The following GRAP variants were observed in gnomAD, a reference collection of about 807,000 sequenced individuals.
GRAP encodes GRB2 related adaptor protein, also known as GRB2-related adapter protein.
GRAP carries 2 observed loss-of-function variants against 9.1 expected under a neutral mutation model. The observed-to-expected ratio is 0.22, with a 90% CI of 0.09 to 0.69. The LOEUF is 0.69. Among genes scored for constraint, GRAP ranks in the 30% least tolerant of loss-of-function variants. GRAP has a pLI of 0.81. For missense variants in GRAP, 113 were observed against 179.4 expected, an observed-to-expected ratio of 0.63 and a Z score of 2.12; for synonymous variants, 68 against 73.6, an observed-to-expected ratio of 0.92 and a Z score of 0.39.
At chr17:19,048,624 T>C (rs2044385972), upstream of GRAP, among the ~76,000 whole-genome samples, 1 of 61,170 alleles carries the variant, frequency 1.6e-5, no homozygotes, top group Non-Finnish European at 2.6e-5. Context: ...GAACACACCC[T>C]GACCTTCTGG....
Position 19,020,761 on chromosome 17 carries a change from G to C in GRAP, c.*1198C>G. ...GAGCAGTGAGATTTGCCAGCACTCA[G>C]GGTTCTAAGGGTCTTGGGCCAGCTC... On this transcript the variant is annotated 3_prime_UTR_variant, in exon 5 of 5. Transcript: ENST00000284154. 1 of 338,938 alleles carries C rather than the reference G, an allele frequency of 3.0e-6. No homozygotes were observed. The highest frequency in any genetic ancestry group is 5.6e-6 in the Non-Finnish European group (1 of 177,282). 21.0% of individuals were successfully genotyped at this position (338,938 alleles called of 1,614,324 possible).
intron 4 of GRAP, among the ~76,000 whole-genome samples, chr17:19,023,083 G>A (rs1371296411): frequency 2.0e-5 from 3 of 152,220 alleles, no homozygotes; most frequent in Non-Finnish European, 4.4e-5. Context: ...GTGGTGAACA[G>A]GGAGGAGGAT....
chr17:19,025,533 C>T (rs1440019144), intron 3 of GRAP, among the ~76,000 whole-genome samples: 1 of 138,884 alleles, frequency 7.2e-6, no homozygotes, highest in African/African-American at 2.7e-5. Flanking sequence ...CCCAGCCTTC[C>T]AGCCAGCCCA....
intron 3 of GRAP, among the ~76,000 whole-genome samples, chr17:19,027,480 G>GCACACACACACACACA (rs771916548): frequency 1.4e-4 from 10 of 69,364 alleles, no homozygotes; most frequent in Non-Finnish European, 1.6e-4. Flanking sequence ...GCGCGCGCGC[G>GCACACACACACACACA]CGCGCACACA....
intron 4 of GRAP, chr17:19,022,561 G>A (rs990804502): frequency 2.9e-5 from 5 of 170,502 alleles, no homozygotes; most frequent in African/African-American, 4.7e-5. Flanking sequence ...GTAAAGTGAC[G>A]TGCAGCTAAG....
In GRAP at chr17:19,021,679, G is replaced by A. The variant is rs543748807; in HGVS notation, c.*280C>T. 2.1e-4 allele frequency: 85 copies of A among 397,952 alleles called. No individual in the cohort carries two copies. The Middle Eastern group carries it at 2.5e-3, about 12-fold the overall frequency. The allele number at this position is 397,952 out of a possible 1,614,324, so 24.7% of individuals were successfully genotyped here. A position where few individuals can be genotyped will look rare whatever the true frequency, so the allele number is the denominator to read the frequency against. On this transcript the variant is annotated 3_prime_UTR_variant, in exon 5 of 5. Transcript: ENST00000284154. The surrounding 1 kb of genome is among the most constrained non-coding windows in gnomAD (Gnocchi z 4.1). ...GGGCCATTGACAAGAGGAGGTGGGC[G>A]GGGCCTCCACAGACTCCGCCCTGTG...
chr17:19,025,214 C>T (rs1326835943), intron 3 of GRAP, among the ~76,000 whole-genome samples: 2 of 130,414 alleles, frequency 1.5e-5, no homozygotes, highest in Admixed American at 8.4e-5. Context: ...TTTTTTGAGG[C>T]GGAGTCTCGC....
chr17:19,021,774 C>G lies in GRAP; in HGVS notation c.*185G>C. 1 of 488,376 alleles carries G rather than the reference C, an allele frequency of 2.0e-6. No individual in the cohort carries two copies. Among genetic ancestry groups the G allele is most frequent in the Non-Finnish European group, 3.3e-6 (1 of 302,954 alleles). The allele number at this position is 488,376 out of a possible 1,614,324, so 30.3% of individuals were successfully genotyped here. On this transcript the variant is annotated 3_prime_UTR_variant, in exon 5 of 5. Transcript: ENST00000284154. This position sits in a 1 kb window ranked among gnomAD's most constrained non-coding sequence, Gnocchi z 4.1. ...CCCCGGAGCTACCCTTGCTGGGTACCCTTGCTGGGGGACCTGGGCCATCCC... is the reference window on the plus strand; with the variant it reads ...CCCCGGAGCTACCCTTGCTGGGTACGCTTGCTGGGGGACCTGGGCCATCCC...
intron 4 of GRAP, 21 bp from the exon 5 acceptor site, chr17:19,022,165 T>C: frequency 1.5e-6 from 2 of 1,376,694 alleles, no homozygotes; most frequent in Non-Finnish European, 1.9e-6. Context: ...AGGAGGTGGT[T>C]AGTAGGGTGC....
At chr17:19,025,073 C>G (rs2044302863) in intron 3 of GRAP, among the ~76,000 whole-genome samples, 1 of 152,194 alleles carries the variant, frequency 6.6e-6, no homozygotes. Context: ...GCAAGCAGGC[C>G]CCTTTCTCTC....
At position 19,024,941 on chromosome 17, in the gene GRAP, C is replaced by T. The variant is rs1275631067; in HGVS notation, c.300-558G>A. Among the ~76,000 whole-genome samples the T allele has an allele frequency of 6.6e-6, 1 of 152,176 alleles. No homozygotes were observed. The highest frequency in any genetic ancestry group is 1.5e-5 in the Non-Finnish European group (1 of 68,034). Reference sequence around the variant, plus strand: ...ACCTGTTGAATGTCTCACGTCCTCCCCCTCCCATGAACCTTCCGTGGCTTC... The same window carrying T: ...ACCTGTTGAATGTCTCACGTCCTCCTCCTCCCATGAACCTTCCGTGGCTTC... On this transcript the variant is annotated intron_variant, in intron 3 of 4. Transcript: ENST00000284154. This position sits in a 1 kb window ranked among gnomAD's most constrained non-coding sequence, Gnocchi z 4.2.
intron 3 of GRAP, among the ~76,000 whole-genome samples, chr17:19,027,484 G>GCA (rs776285201): frequency 0.051 from 6,134 of 120,704 alleles, 265 homozygotes; most frequent in East Asian, 0.19. Flanking sequence ...GCGCGCGCGC[G>GCA]CACACACACA....
chr17:19,022,963 C>A (rs1259176836), intron 4 of GRAP, among the ~76,000 whole-genome samples: 1 of 152,196 alleles, frequency 6.6e-6, no homozygotes, highest in African/African-American at 2.4e-5. Context: ...GGGTGGGTGA[C>A]CCCACGGCCC....
chr17:19,043,651 A>C (rs1322619049), intron 1 of GRAP, among the ~76,000 whole-genome samples: 15 of 149,678 alleles, frequency 1.0e-4, no homozygotes, highest in African/African-American at 3.7e-4. Context: ...CAACTCCCCC[A>C]ACCTAAGGAG....
Position 19,022,004 on chromosome 17 carries a change from G to A in GRAP, c.609C>T (p.Arg203=), listed in dbSNP as rs1246670455. Residue 203 remains arginine, a synonymous_variant, in exon 5 of 5, where the codon CGC becomes CGT. Transcript: ENST00000284154. ...CGTAACTCCGTGGGAAGAAGCCAAC[G>A]CGCCCGCAGGACCGGCCCCGCCACC... The part of the protein sequence containing the change: ...PHWWRGRSCG[R]VGFFPRSYVQ... The A allele has an allele frequency of 3.1e-6, 5 of 1,593,132 alleles. No individual in the cohort carries two copies. The highest frequency in any genetic ancestry group is 2.7e-5 in the African/African-American group (2 of 73,846).
intron 3 of GRAP, among the ~76,000 whole-genome samples, chr17:19,027,526 C>CACACACA (rs1413947980): frequency 7.8e-5 from 6 of 76,754 alleles, no homozygotes; most frequent in Non-Finnish European, 1.9e-4. Flanking sequence ...ACACACACAC[C>CACACACA]CCTACCTCTC....
In GRAP at chr17:19,025,194, C is replaced by CTTT. The variant is rs577399592; in HGVS notation, c.300-814_300-812dup. Among the ~76,000 whole-genome samples the CTTT allele has an allele frequency of 4.3e-5, 5 of 117,562 alleles. No individual in the cohort carries two copies. The East Asian group carries it at 1.3e-3, about 31-fold the overall frequency. The allele number at this position is 117,562 out of a possible 152,430, so 77.1% of individuals were successfully genotyped here. ...TGCTCTTTCTTTTTTCTTTTCTTTT[C>CTTT]TTTTTTTTTTTTTTTGAGGCGGAGT... is the stretch of plus-strand genomic sequence containing the variant. On this transcript the variant is annotated intron_variant, in intron 3 of 4. Transcript: ENST00000284154.
At chr17:19,022,464 C>T in intron 4 of GRAP, 1 of 303,720 alleles carries the variant, frequency 3.3e-6, no homozygotes. Flanking sequence ...CCCTGCTTCT[C>T]TTGGGATCTT....
chr17:19,021,884 C>T lies in GRAP; in HGVS notation c.*75G>A, dbSNP rs1421474548. The T allele has an allele frequency of 1.1e-5, 15 of 1,389,462 alleles. No individual in the cohort carries two copies. Among genetic ancestry groups the T allele is most frequent in the South Asian group, 7.8e-5 (5 of 63,954 alleles). 86.1% of individuals were successfully genotyped at this position (1,389,462 alleles called of 1,614,324 possible). A position where few individuals can be genotyped will look rare whatever the true frequency, so the allele number is the denominator to read the frequency against. ...TGAGCCCCGTGTGACTCTGACAGAG[C>T]TGGGGGTGTCCATGTCCTCTCTGGA... On this transcript the variant is annotated 3_prime_UTR_variant, in exon 5 of 5. Transcript: ENST00000284154. The surrounding 1 kb of genome is among the most constrained non-coding windows in gnomAD (Gnocchi z 4.1).
Sources: gnomAD v4.1 joint callset for allele counts (sites outside exome capture counted in the v4.1 genomes callset) on GRCh38, gnomAD v4.1.1 for gene constraint, Gnocchi (gnomAD v3.1) non-coding constraint, MANE v1.5 for transcripts, NCBI Gene and HGNC (gene_info 2026-07-23, HGNC 2026-07-21) for gene names.